The following CDK1 variants were observed in gnomAD, a reference collection of about 807,000 sequenced individuals.
CDK1 encodes the protein cyclin dependent kinase 1.
In CDK1, 5 loss-of-function variants were observed where a neutral mutation model predicts 34.6. The ratio of observed to expected loss-of-function variants is 0.14; its 90% CI spans 0.08 to 0.30. CDK1 has a LOEUF of 0.30. Ranked by LOEUF, CDK1 falls within the 10% of genes least tolerant of loss-of-function variation. CDK1 has a pLI of 1.00. For synonymous variants in CDK1, 108 were observed against 114.7 expected (o/e 0.94, Z 0.37); for missense variants, 157 against 345.7 (o/e 0.45, Z 4.33).
chr10:60,793,499 A>T (rs943185256), intron 7 of CDK1, among the ~76,000 whole-genome samples: 1 of 144,364 alleles, frequency 6.9e-6, no homozygotes, highest in Middle Eastern at 3.7e-3. Context: ...GCCATAGTTA[A>T]TTGCCATTTC....
chr10:60,783,202 C>G (rs1314353626), intron 2 of CDK1, among the ~76,000 whole-genome samples: 1 of 152,014 alleles, frequency 6.6e-6, no homozygotes, highest in Admixed American at 6.6e-5. Context: ...TTAAGGATGG[C>G]TGTGAGGATT....
Position 60,794,124 on chromosome 10 carries a change from TG to T in CDK1, c.*150del, listed in dbSNP as rs2080380882. 1 of 483,210 alleles carries T rather than the reference TG, an allele frequency of 2.1e-6. No homozygotes were observed. Among genetic ancestry groups the T allele is most frequent in the Non-Finnish European group, 3.6e-6 (1 of 274,476 alleles). The allele number at this position is 483,210 out of a possible 1,614,324, so 29.9% of individuals were successfully genotyped here. ...TAATTTCAAAAATATAACTTAAAAATGTAAATATTCTATATGAATTTAAATA... is the reference window on the plus strand; with the variant it reads ...TAATTTCAAAAATATAACTTAAAAATTAAATATTCTATATGAATTTAAATA... On this transcript the variant is annotated 3_prime_UTR_variant, in exon 8 of 8. Transcript: ENST00000395284.
chr10:60,788,008 T>C, intron 4 of CDK1, 52 bp from the exon 5 acceptor site: 1 of 915,432 alleles, frequency 1.1e-6, no homozygotes. Flanking sequence ...ACAGATTATT[T>C]AGAAAATCAT....
chr10:60,790,486 A>G (rs973429780), intron 5 of CDK1, among the ~76,000 whole-genome samples: 28 of 152,132 alleles, frequency 1.8e-4, no homozygotes, highest in Non-Finnish European at 3.1e-4. Context: ...GGCTCATGCA[A>G]TCCTCCCGCT....
chr10:60,794,203 T>C lies in CDK1; in HGVS notation c.*228T>C. On this transcript the variant is annotated 3_prime_UTR_variant, in exon 8 of 8. Transcript: ENST00000395284. ...CTGTAACAACTATTTGTTACTATAA[T>C]AAAACTATAATATTGATGTCAGGAA... 3.4e-6 allele frequency: 1 copy of C among 296,866 alleles called. No individual in the cohort carries two copies. The highest frequency in any genetic ancestry group is 6.1e-6 in the Non-Finnish European group (1 of 164,128). 18.4% of individuals were successfully genotyped at this position (296,866 alleles called of 1,614,324 possible).
chr10:60,787,856 G>A, intron 4 of CDK1: 1 of 332,238 alleles, frequency 3.0e-6, no homozygotes, highest in Non-Finnish European at 5.5e-6. Context: ...ATGTCTATAA[G>A]GTGAAGATTC....
At chr10:60,780,508 G>A (rs1010047691) in intron 2 of CDK1, among the ~76,000 whole-genome samples, 1 of 152,010 alleles carries the variant, frequency 6.6e-6, no homozygotes, top group Non-Finnish European at 1.5e-5. Context: ...TGTGTTGAGG[G>A]GCAGAGGTTA....
rs754755265 is a variant in CDK1 at position 60,784,752 on chromosome 10, G to A, written c.85G>A (p.Val29Met). 1.2e-6 allele frequency: 2 copies of A among 1,613,144 alleles called. No homozygotes were observed. The highest frequency in any genetic ancestry group is 1.1e-5 in the South Asian group (1 of 91,062). ...GGGTAGACACAAAACTACAGGTCAA[G>A]TGGTAGCCATGAAAAAAATCAGACT... ...YKGRHKTTGQ[V>M]VAMKKIRLES... The change falls in exon 3 of 8, where the codon GTG becomes ATG. Residue 29 changes from valine to methionine, a missense_variant. Val to Met is a conservative substitution (Grantham distance 21, BLOSUM62 1). Coordinates refer to ENST00000395284, the MANE Select transcript of CDK1 (RefSeq NM_001786.5).
At chr10:60,789,508 A>T (rs1452393669) in intron 5 of CDK1, among the ~76,000 whole-genome samples, 1 of 152,144 alleles carries the variant, frequency 6.6e-6, no homozygotes, top group Non-Finnish European at 1.5e-5. Flanking sequence ...GGCTTATTTC[A>T]TGGCTCATCC....
intron 2 of CDK1, chr10:60,783,689 G>C (rs2080291376): frequency 6.6e-6 from 1 of 152,132 alleles, no homozygotes; most frequent in Non-Finnish European, 1.5e-5. Flanking sequence ...GTATATGACA[G>C]ATTTTAGCTA....
rs3213037 is a variant in CDK1 at position 60,782,856 on chromosome 10, A to G, written c.38-1849A>G. 8.7e-3 allele frequency among the ~76,000 whole-genome samples: 1,322 copies of G among 152,218 alleles called. 21 individuals are homozygous for G. Among genetic ancestry groups the G allele is most frequent in the African/African-American group, 0.031 (1,273 of 41,540 alleles). The stretch of plus-strand genomic sequence containing the variant: ...CCAATAGAAAGTTCTGCTTTGTTTA[A>G]CCCCTCTTCCAGTAGTTCAGTGAGA... On this transcript the variant is annotated intron_variant, in intron 2 of 7. Coordinates refer to ENST00000395284, the MANE Select transcript of CDK1 (RefSeq NM_001786.5).
chr10:60,784,657 T>C, intron 2 of CDK1, 48 bp from the exon 3 acceptor site: 1 of 1,468,892 alleles, frequency 6.8e-7, no homozygotes, highest in Non-Finnish European at 9.3e-7. Flanking sequence ...AAAAAAGATC[T>C]TTAGTTTGTG....
intron 5 of CDK1, among the ~76,000 whole-genome samples, chr10:60,790,233 A>G (rs1171904741): frequency 1.3e-5 from 2 of 152,046 alleles, no homozygotes; most frequent in African/African-American, 4.8e-5. Flanking sequence ...TTAGTTCGAT[A>G]TAATCCTGTT....
chr10:60,785,568 A>C, intron 3 of CDK1, 96 bp from the exon 4 acceptor site: 2 of 743,374 alleles, frequency 2.7e-6, no homozygotes, highest in Non-Finnish European at 4.4e-6. Context: ...CCCAGTTTTT[A>C]TTATAGCAAC....
chr10:60,789,417 AT>A (rs2080340206), intron 5 of CDK1, among the ~76,000 whole-genome samples: 1 of 152,174 alleles, frequency 6.6e-6, no homozygotes, highest in South Asian at 2.1e-4. Flanking sequence ...AATAACCACT[AT>A]TCCACTCTAT....
chr10:60,786,122 A>G, intron 4 of CDK1: 1 of 979,326 alleles, frequency 1.0e-6, no homozygotes, highest in Non-Finnish European at 1.2e-6. Context: ...TAGGTGTTTT[A>G]TTCCAGTTTT....
At chr10:60,779,823 G>A (rs1203891302) in intron 1 of CDK1, among the ~76,000 whole-genome samples, 1 of 152,108 alleles carries the variant, frequency 6.6e-6, no homozygotes, top group African/African-American at 2.4e-5. Flanking sequence ...GTCACAAAAA[G>A]GGAACATAAT....
Position 60,788,309 on chromosome 10 carries a change from A to G in CDK1, c.489+79A>G, listed in dbSNP as rs1047679732. 3.9e-6 allele frequency: 4 copies of G among 1,033,378 alleles called. No individual in the cohort carries two copies. The South Asian group carries it at 9.4e-5, about 24-fold the overall frequency. 64.0% of individuals were successfully genotyped at this position (1,033,378 alleles called of 1,614,324 possible). On this transcript the variant is annotated intron_variant, in intron 5 of 7. Transcript: ENST00000395284. ...ATTTTCTGTATTTGTGAAAGTCAAG[A>G]AATAACTCAATAAAAGATATCTACT...
intron 5 of CDK1, among the ~76,000 whole-genome samples, chr10:60,788,532 T>C (rs942376613): frequency 3.9e-5 from 6 of 152,100 alleles, no homozygotes; most frequent in Admixed American, 1.3e-4. Flanking sequence ...CTTTATTTAT[T>C]TACATCATTC....
Sources: allele counts gnomAD v4.1 joint callset (sites outside exome capture counted in the v4.1 genomes callset), GRCh38; gene constraint gnomAD v4.1.1; transcripts MANE v1.5; gene names NCBI Gene and HGNC (gene_info 2026-07-23, HGNC 2026-07-21).